The following SPIDR variants were observed in gnomAD, a reference collection of about 807,000 sequenced individuals.
SPIDR encodes the protein scaffold protein involved in DNA repair, also known as DNA repair-scaffolding protein.
A neutral mutation model predicts 104.6 loss-of-function variants in SPIDR; 93 were observed. The ratio of observed to expected loss-of-function variants is 0.89; its 90% confidence interval spans 0.75 to 1.06. The LOEUF (loss-of-function observed/expected upper bound fraction) is 1.06, where lower values mean the gene tolerates loss of function less well. SPIDR is among the 50% of genes least tolerant of loss of function. The pLI, the probability that SPIDR is intolerant of heterozygous loss-of-function variation, is 0.00. For synonymous variants in SPIDR, 431 were observed against 416.9 expected, an observed-to-expected ratio of 1.03 and a Z score of -0.41; for missense variants, 1,154 against 1,111.2, an observed-to-expected ratio of 1.04 and a Z score of -0.55.
chr8:47,507,129 AC>A (rs2081599822), intron 8 of SPIDR, among the ~76,000 whole-genome samples: 1 of 152,120 alleles, frequency 6.6e-6, no homozygotes, highest in Non-Finnish European at 1.5e-5. Flanking sequence ...CAAGAAATCC[AC>A]CCATATGCCT....
intron 8 of SPIDR, among the ~76,000 whole-genome samples, chr8:47,588,152 C>A (rs2060527571): frequency 7.5e-6 from 1 of 132,762 alleles, no homozygotes; most frequent in African/African-American, 2.7e-5. Context: ...CCTATAGATC[C>A]ATTTGGGGAG....
intron 10 of SPIDR, among the ~76,000 whole-genome samples, chr8:47,645,763 T>G (rs2070220317): frequency 6.6e-6 from 1 of 152,118 alleles, no homozygotes; most frequent in Non-Finnish European, 1.5e-5. Context: ...AGATGAACCA[T>G]TCAATAAATG....
chr8:47,601,539 C>T (rs941409358), intron 10 of SPIDR, among the ~76,000 whole-genome samples: 11 of 152,086 alleles, frequency 7.2e-5, no homozygotes, highest in Admixed American at 5.9e-4. Context: ...ACTAAAAATA[C>T]GAAAATTAGT....
intron 6 of SPIDR, among the ~76,000 whole-genome samples, chr8:47,402,544 A>G (rs2062052869): frequency 6.6e-6 from 1 of 152,252 alleles, no homozygotes; most frequent in South Asian, 2.1e-4. Context: ...CCACAGAAAC[A>G]CAAACTACCA....
rs543616890 is a variant in SPIDR, at chr8:47,323,963, T to C, written c.525+29933T>C. Among the ~76,000 whole-genome samples the C allele has an allele frequency of 3.3e-5, 5 of 152,300 alleles. No homozygotes were observed. In the South Asian group the frequency reaches 1.0e-3, roughly 32 times the overall value. ...TAACTTTTGTTTAAGCTAAAAATTA[T>C]TTTCTTGAATTTTAGTTTATTGGTC... On this transcript the variant is annotated intron_variant, in intron 5 of 19. Coordinates refer to ENST00000297423, the MANE Select transcript of SPIDR (RefSeq NM_001080394.4).
At chr8:47,721,557 C>T (rs1267708303) in intron 16 of SPIDR, among the ~76,000 whole-genome samples, 7 of 151,726 alleles carry the variant, frequency 4.6e-5, no homozygotes, top group African/African-American at 1.5e-4. Flanking sequence ...CTGCAAGCTC[C>T]GCCTCCCGGG....
Position 47,555,249 on chromosome 8 carries a change from A to T in SPIDR, c.1098-40562A>T, listed in dbSNP as rs111687110. Among the ~76,000 whole-genome samples, 851 of 152,324 alleles carry T rather than the reference A, an allele frequency of 5.6e-3. 3 individuals carry two copies. The highest frequency in any genetic ancestry group is 9.6e-3 in the Non-Finnish European group (655 of 68,020). On this transcript the variant is annotated intron_variant, in intron 8 of 19. Coordinates refer to ENST00000297423, the MANE Select transcript of SPIDR (RefSeq NM_001080394.4). ...TGTTAGAAATGAATCCAGCCATGCC[A>T]CTTTATTTCTATAAAATAACAATTC...
chr8:47,369,686 G>C (rs1383974823), intron 5 of SPIDR, among the ~76,000 whole-genome samples: 2 of 152,190 alleles, frequency 1.3e-5, no homozygotes, highest in African/African-American at 2.4e-5. Flanking sequence ...GTCATAATAG[G>C]CAGTTGGTGT....
At chr8:47,580,343 C>T (rs977505402) in intron 8 of SPIDR, among the ~76,000 whole-genome samples, 4 of 152,190 alleles carry the variant, frequency 2.6e-5, no homozygotes, top group Non-Finnish European at 4.4e-5. Context: ...AGCAGCAGTG[C>T]CGACCATCCT....
intron 5 of SPIDR, among the ~76,000 whole-genome samples, chr8:47,386,592 A>G (rs1336731049): frequency 6.6e-6 from 1 of 152,112 alleles, no homozygotes; most frequent in African/African-American, 2.4e-5. Context: ...GGCTCGAGCA[A>G]GCCACTGAAG....
intron 5 of SPIDR, among the ~76,000 whole-genome samples, chr8:47,323,841 A>G (rs1180418125): frequency 6.6e-6 from 1 of 152,142 alleles, no homozygotes; most frequent in South Asian, 2.1e-4. Flanking sequence ...GAACCCATGG[A>G]CACCTTTATT....
At chr8:47,572,813 T>A (rs1587924481) in intron 8 of SPIDR, among the ~76,000 whole-genome samples, 1 of 152,062 alleles carries the variant, frequency 6.6e-6, no homozygotes, top group Non-Finnish European at 1.5e-5. Flanking sequence ...ATCGGATGGG[T>A]CTGTTTCCCT....
intron 1 of SPIDR, among the ~76,000 whole-genome samples, chr8:47,267,467 T>C (rs1345893556): frequency 6.6e-6 from 1 of 152,274 alleles, no homozygotes; most frequent in African/African-American, 2.4e-5. Flanking sequence ...CCTTTTACAG[T>C]CTCACCAGCA....
At chr8:47,727,323 C>G (rs2084400846) in intron 17 of SPIDR, 30 bp downstream of exon 17, 3 of 1,607,850 alleles carry the variant, frequency 1.9e-6, no homozygotes, top group Non-Finnish European at 2.6e-6. Flanking sequence ...CCTGAAAGCC[C>G]TAGAACTGAA....
chr8:47,268,938 G>A (rs957988434), intron 1 of SPIDR, among the ~76,000 whole-genome samples: 2 of 152,154 alleles, frequency 1.3e-5, no homozygotes, highest in South Asian at 2.1e-4. Context: ...AGGCTGAGGC[G>A]GGTGGATCAC....
chr8:47,399,929 G>A (rs554709252), intron 6 of SPIDR, among the ~76,000 whole-genome samples: 6 of 152,298 alleles, frequency 3.9e-5, no homozygotes, highest in African/African-American at 7.2e-5. Context: ...GAGTTGAGCC[G>A]CTGGAGGGAG....
chr8:47,609,298 T>C (rs1364385420), intron 10 of SPIDR, among the ~76,000 whole-genome samples: 2 of 152,200 alleles, frequency 1.3e-5, no homozygotes, highest in Non-Finnish European at 2.9e-5. Flanking sequence ...TTCAGGGTCA[T>C]AGCTAAGAAA....
chr8:47,493,249 A>C (rs1328916365), intron 8 of SPIDR, among the ~76,000 whole-genome samples: 1 of 152,148 alleles, frequency 6.6e-6, no homozygotes, highest in Admixed American at 6.5e-5. Flanking sequence ...ATTTGTTATA[A>C]TTTGGAATGA....
chr8:47,408,772 A>G lies in SPIDR; in HGVS notation c.877+811A>G, dbSNP rs562385762. The stretch of plus-strand genomic sequence containing the variant: ...AACATAGTAGCAGGATTAAAAATCA[A>G]CATACCAAAATCAATTGCATTTCCA... On this transcript the variant is annotated intron_variant, in intron 7 of 19. Coordinates refer to ENST00000297423, the MANE Select transcript of SPIDR (RefSeq NM_001080394.4). Among the ~76,000 whole-genome samples, 11 of 152,360 alleles carry G rather than the reference A, an allele frequency of 7.2e-5. No individual in the cohort carries two copies. In the South Asian group the frequency reaches 2.3e-3, roughly 32 times the overall value.
Sources: allele counts gnomAD v4.1 joint callset (sites outside exome capture counted in the v4.1 genomes callset), GRCh38; gene constraint gnomAD v4.1.1; transcripts MANE v1.5; gene names NCBI Gene and HGNC (gene_info 2026-07-23, HGNC 2026-07-21).